Variants in MYO19 observed in about 807,000 individuals in gnomAD.
The protein encoded by MYO19 is unconventional myosin-XIX.
MYO19 carries 132 observed loss-of-function variants against 129.2 expected under a neutral mutation model. The ratio of observed to expected loss-of-function variants is 1.02; its 90% CI spans 0.89 to 1.18. MYO19 has a LOEUF of 1.18. Among genes scored for constraint, MYO19 ranks in the 50% most tolerant of loss-of-function variants. The probability of loss-of-function intolerance (pLI) is 0.00; values close to 1 mark genes in which losing one functional copy is unlikely to be tolerated. For missense variants in MYO19, 1,210 were observed against 1,216.7 expected, an observed-to-expected ratio of 0.99 and a Z score of 0.08; for synonymous variants, 531 against 477.2, an observed-to-expected ratio of 1.11 and a Z score of -1.47.
chr17:36,504,961 C>T, intron 19 of MYO19: 1 of 404,630 alleles, frequency 2.5e-6, no homozygotes, highest in Non-Finnish European at 4.7e-6. Context: ...TGAGAAATGG[C>T]TGCACTGTGC....
At chr17:36,514,394 G>A (rs538890325) in intron 9 of MYO19, 52 bp downstream of exon 9, 58 of 1,215,798 alleles carry the variant, frequency 4.8e-5, no homozygotes, top group African/African-American at 1.2e-4. Context: ...TGAAAAACAC[G>A]GACCCATCCC....
At chr17:36,496,445 C>T in intron 25 of MYO19, 39 bp from the exon 26 acceptor site, 1 of 1,607,368 alleles carries the variant, frequency 6.2e-7, no homozygotes, top group East Asian at 2.2e-5. Context: ...GCACTAGTTC[C>T]TGGGAGTGCC....
In MYO19 at chr17:36,498,307, G is replaced by T. The variant is rs778418506; in HGVS notation, c.2716C>A (p.Gln906Lys). 4 of 1,613,918 alleles carry T rather than the reference G, an allele frequency of 2.5e-6. No homozygotes were observed. Among genetic ancestry groups the T allele is most frequent in the Non-Finnish European group, 2.5e-6 (3 of 1,179,878 alleles). ...ATGGACGTGACACCAGCCTGGTCTT[G>T]TGCTGTCTGGACAGTGTAGCTACTG... is the stretch of plus-strand genomic sequence containing the variant. Reference protein sequence around the residue: ...SPSSYTVQTAQDQAGVTSIRA... With the variant: ...SPSSYTVQTAKDQAGVTSIRA... The change falls in exon 25 of 26, where the codon CAA becomes AAA. Residue 906 changes from glutamine (Q) to lysine (K), a missense_variant. Gln to Lys is a moderately conservative substitution (Grantham distance 53, BLOSUM62 1). Coordinates refer to ENST00000614623, the MANE Select transcript of MYO19 (RefSeq NM_001163735.2).
intron 19 of MYO19, chr17:36,504,289 C>G: frequency 4.4e-6 from 2 of 452,954 alleles, no homozygotes; most frequent in South Asian, 7.8e-5. Flanking sequence ...TGTCCTGGCT[C>G]CGTCTCACCC....
chr17:36,541,149 G>A (rs994777565), intron 2 of MYO19, among the ~76,000 whole-genome samples: 2 of 151,620 alleles, frequency 1.3e-5, no homozygotes, highest in African/African-American at 2.4e-5. Context: ...GGGTTTCACC[G>A]TTAGCCAAGA....
chr17:36,499,645 A>ATT (rs1567728856), intron 23 of MYO19: 2 of 80,268 alleles, frequency 2.5e-5, no homozygotes, highest in Non-Finnish European at 5.3e-5. Context: ...ATTTCAGCAT[A>ATT]TTCTTTTTCT....
intron 11 of MYO19, chr17:36,512,579 G>A (rs1599309150): frequency 1.2e-5 from 15 of 1,241,526 alleles, no homozygotes; most frequent in Admixed American, 5.0e-5. Context: ...CACCCCCAAA[G>A]CACTCCTGCC....
At chr17:36,535,649 CTTTTTA>C (rs2074095120), upstream of MYO19, 2 of 152,176 alleles carry the variant, frequency 1.3e-5, no homozygotes, top group South Asian at 2.1e-4. Context: ...AGGAAAAAGA[CTTTTTA>C]TTTTTATGTT....
chr17:36,509,056 T>C lies in MYO19; in HGVS notation c.1231+6A>G, dbSNP rs1321930229. ...GAGTGCTCCCAGCACAGTGAGGCCT[T>C]GCTACCTATGAAAGTGGTCCACGAG... is the stretch of plus-strand genomic sequence containing the variant. On this transcript the variant is annotated splice_donor_region_variant and intron_variant, in intron 14 of 25. Transcript: ENST00000614623. The C allele has an allele frequency of 6.2e-7, 1 of 1,613,240 alleles. No homozygotes were observed. Among genetic ancestry groups the C allele is most frequent in the Non-Finnish European group, 8.5e-7 (1 of 1,179,514 alleles).
Position 36,500,909 on chromosome 17 carries a change from G to A in MYO19, c.2298C>T (p.Arg766=). 1.9e-6 allele frequency: 3 copies of A among 1,609,864 alleles called. No homozygotes were observed. Among genetic ancestry groups the A allele is most frequent in the Non-Finnish European group, 2.5e-6 (3 of 1,179,184 alleles). ...GTCGCCTCCAGCCACCCTGGATGCA[G>A]CGGGCACACTGCTCCAGCACCCGGG... The part of the protein sequence containing the change: ...GRARVLEQCA[R]CIQGGWRRHR... The change falls in exon 23 of 26, where the codon CGC becomes CGT. Residue 766 remains arginine, a synonymous_variant. Transcript: ENST00000614623.
intron 8 of MYO19, among the ~76,000 whole-genome samples, chr17:36,514,834 A>G (rs1487641299): frequency 6.6e-6 from 1 of 152,214 alleles, no homozygotes; most frequent in East Asian, 1.9e-4. Flanking sequence ...ATATGGTCCA[A>G]AGAGGTGGCA....
chr17:36,499,654 C>CTTTTTTTTT (rs1260911885), intron 23 of MYO19: 2 of 73,092 alleles, frequency 2.7e-5, no homozygotes, highest in African/African-American at 1.2e-4. Context: ...TATTCTTTTT[C>CTTTTTTTTT]TTTTTGTTTC....
upstream of MYO19, chr17:36,535,640 G>T (rs907162592): frequency 6.6e-6 from 1 of 152,218 alleles, no homozygotes; most frequent in Non-Finnish European, 1.5e-5. Context: ...GCGTCTGTTA[G>T]GAAAAAGACT....
intron 21 of MYO19, among the ~76,000 whole-genome samples, chr17:36,502,117 G>T (rs974937712): frequency 6.6e-6 from 1 of 152,212 alleles, no homozygotes; most frequent in Non-Finnish European, 1.5e-5. Flanking sequence ...TGGGTGGGAG[G>T]GGCAGAGGTG....
rs1264937207 is a variant in MYO19, at chr17:36,527,575, CT to C, written c.275del (p.Glu92GlyfsTer11). 1 of 1,613,760 alleles carries C rather than the reference CT, an allele frequency of 6.2e-7. No homozygotes were observed. The highest frequency in any genetic ancestry group is 8.5e-7 in the Non-Finnish European group (1 of 1,179,850). ...CCTGGGGCTGAGGCGCAGCATGGTA[CT>C]CTCTCATTAGCTCGGGCGAGTAGAG... is the stretch of plus-strand genomic sequence containing the variant. ...PQLYSPELMREYHAAPQPQKL... is the reference protein window; with the variant it reads ...PQLYSPELMRXYHAAPQPQKL... On this transcript the variant is annotated frameshift_variant, in exon 5 of 26. Transcript: ENST00000614623. LOFTEE classifies it high-confidence loss of function.
intron 5 of MYO19, 114 bp from the exon 6 acceptor site, chr17:36,525,455 TC>T: frequency 1.3e-6 from 1 of 764,850 alleles, no homozygotes; most frequent in Non-Finnish European, 2.2e-6. Flanking sequence ...GGATGCTTCC[TC>T]CAGAAAAATT....
Position 36,505,363 on chromosome 17 carries a change from C to T in MYO19, c.1839G>A (p.Thr613=), listed in dbSNP as rs765074076. 39 of 1,614,116 alleles carry T rather than the reference C, an allele frequency of 2.4e-5. No homozygotes were observed. The highest frequency in any genetic ancestry group is 7.7e-5 in the South Asian group (7 of 91,096). The part of the protein sequence containing the change: ...EQLLQVLHST[T]PHYIRCIKPN... ...GCTTGATGCAGCGAATGTAGTGGGG[C>T]GTGGTGCTGTGTAGGACCTGCAGAA... The change falls in exon 19 of 26, where the codon ACG becomes ACA. Residue 613 remains threonine, a synonymous_variant. Transcript: ENST00000614623.
intron 7 of MYO19, 104 bp downstream of exon 7, chr17:36,515,754 C>T: frequency 3.8e-6 from 5 of 1,312,602 alleles, no homozygotes; most frequent in South Asian, 1.4e-5. Flanking sequence ...TCATCCTCCA[C>T]CCCCACCCAA....
intron 14 of MYO19, chr17:36,508,764 A>G (rs1431694099): frequency 2.4e-6 from 1 of 414,960 alleles, no homozygotes; most frequent in African/African-American, 2.0e-5. Flanking sequence ...ATTTTCCCCA[A>G]CCCCCACTAC....
Sources: allele counts gnomAD v4.1 joint callset (sites outside exome capture counted in the v4.1 genomes callset), GRCh38; gene constraint gnomAD v4.1.1; transcripts MANE v1.5; gene names NCBI Gene and HGNC (gene_info 2026-07-23, HGNC 2026-07-21).